CAPN5: variants seen among roughly 807,000 people sequenced by gnomAD.
CAPN5 encodes the protein calpain-5.
A neutral mutation model predicts 73.0 loss-of-function variants in CAPN5; 54 were observed. The ratio of observed to expected loss-of-function variants is 0.74; its 90% CI spans 0.59 to 0.93. The LOEUF (loss-of-function observed/expected upper bound fraction) is 0.93. Among genes scored for constraint, CAPN5 ranks in the 40% least tolerant of loss-of-function variants. The pLI is 0.00. For synonymous variants in CAPN5, 335 were observed against 356.9 expected (o/e 0.94, Z 0.69); for missense variants, 785 against 882.9 (o/e 0.89, Z 1.41).
chr11:77,117,201 A>G (rs781882691), intron 7 of CAPN5, among the ~76,000 whole-genome samples: 6 of 152,118 alleles, frequency 3.9e-5, no homozygotes, highest in Admixed American at 1.3e-4. Context: ...GCACCACTGC[A>G]CTCCATCCTG....
rs1950532072 is a variant in CAPN5, at chr11:77,122,558, C to T, written c.1604-18C>T. On this transcript the variant is annotated intron_variant, in intron 11 of 12. Coordinates refer to ENST00000648180, the MANE Select transcript of CAPN5 (RefSeq NM_004055.5). ...CCCCACCCCCACCCTCACCCCATCT[C>T]CCACTCCCTCTCCCTAGGGGCTAAC... 1 of 1,497,368 alleles carries T rather than the reference C, an allele frequency of 6.7e-7. No homozygotes were observed. Among genetic ancestry groups the T allele is most frequent in the Non-Finnish European group, 9.2e-7 (1 of 1,086,174 alleles). The allele number at this position is 1,497,368 out of a possible 1,614,324, so 92.8% of individuals were successfully genotyped here.
At chr11:77,089,257 C>A (rs1275934353) in intron 2 of CAPN5, among the ~76,000 whole-genome samples, 2 of 152,234 alleles carry the variant, frequency 1.3e-5, no homozygotes, top group East Asian at 3.8e-4. Context: ...CAGGACACTT[C>A]GGGTCCCCAT....
chr11:77,082,708 T>C (rs1300077962), intron 1 of CAPN5, among the ~76,000 whole-genome samples: 3 of 152,280 alleles, frequency 2.0e-5, no homozygotes, highest in South Asian at 2.1e-4. Context: ...TCTCCCTTTA[T>C]GGCCTCCACC....
At chr11:77,100,605 T>C (rs1296141767) in intron 3 of CAPN5, among the ~76,000 whole-genome samples, 1 of 152,158 alleles carries the variant, frequency 6.6e-6, no homozygotes, top group Non-Finnish European at 1.5e-5. Flanking sequence ...GGGATCCTCC[T>C]TCCCAGTGCT....
At chr11:77,087,433 C>G (rs1950100052) in intron 2 of CAPN5, among the ~76,000 whole-genome samples, 1 of 152,196 alleles carries the variant, frequency 6.6e-6, no homozygotes, top group Admixed American at 6.5e-5. Context: ...GCATGCCCGT[C>G]CATCCCCTCC....
At chr11:77,120,513 C>A (rs1950510927) in intron 9 of CAPN5, 200 bp from the exon 10 acceptor site, 1 of 488,482 alleles carries the variant, frequency 2.0e-6, no homozygotes. Flanking sequence ...CTTTAACCAC[C>A]ACCACCCATT....
chr11:77,120,979 C>T, intron 10 of CAPN5, 70 bp downstream of exon 10: 4 of 1,449,672 alleles, frequency 2.8e-6, no homozygotes, highest in Non-Finnish European at 3.8e-6. Flanking sequence ...CAGGAACCTG[C>T]AGCCTCAGAG....
Position 77,123,951 on chromosome 11 carries a change from A to G in CAPN5, c.*81A>G. On this transcript the variant is annotated 3_prime_UTR_variant, in exon 13 of 13. Coordinates refer to ENST00000648180, the MANE Select transcript of CAPN5 (RefSeq NM_004055.5). ...TGGGCCTGAGTCTAGCCTGGGAGCCAGGATACTGGGGTCCTTTTCCCACTC... is the reference window on the plus strand; with the variant it reads ...TGGGCCTGAGTCTAGCCTGGGAGCCGGGATACTGGGGTCCTTTTCCCACTC... 7.3e-7 allele frequency: 1 copy of G among 1,376,750 alleles called. No individual in the cohort carries two copies. The highest frequency in any genetic ancestry group is 2.3e-5 in the East Asian group (1 of 43,088). The allele number at this position is 1,376,750 out of a possible 1,614,324, so 85.3% of individuals were successfully genotyped here. A position where few individuals can be genotyped will look rare whatever the true frequency, so the allele number is the denominator to read the frequency against.
rs71043542 is a variant in CAPN5 at position 77,067,632 on chromosome 11, C to CGTGTGTGTGTGTGTGTGTGT, written c.-36+557_-36+576dup. On this transcript the variant is annotated intron_variant, in intron 1 of 12. Coordinates refer to ENST00000648180, the MANE Select transcript of CAPN5 (RefSeq NM_004055.5). The stretch of plus-strand genomic sequence containing the variant: ...TCTCCTTGACTGCAGGGCGGGCGCA[C>CGTGTGTGTGTGTGTGTGTGT]GTGTGTGTGTGTGTGTGTGTGTGTG... 6.0e-3 allele frequency among the ~76,000 whole-genome samples: 765 copies of CGTGTGTGTGTGTGTGTGTGT among 126,708 alleles called. 7 individuals are homozygous for CGTGTGTGTGTGTGTGTGTGT. The highest frequency in any genetic ancestry group is 0.017 in the African/African-American group (542 of 31,364). The allele number at this position is 126,708 out of a possible 152,430, so 83.1% of individuals were successfully genotyped here. A position where few individuals can be genotyped will look rare whatever the true frequency, so the allele number is the denominator to read the frequency against.
At chr11:77,108,806 C>T (rs1297114325) in intron 3 of CAPN5, among the ~76,000 whole-genome samples, 4 of 151,180 alleles carry the variant, frequency 2.6e-5, no homozygotes, top group Non-Finnish European at 2.9e-5. Context: ...AGTAATTGTT[C>T]TAATTTCTAA....
At chr11:77,103,363 C>T in intron 3 of CAPN5, 1 of 1,586,088 alleles carries the variant, frequency 6.3e-7, no homozygotes, top group Admixed American at 1.7e-5. Flanking sequence ...CTCCTCTAGC[C>T]CACCTGTGCT....
chr11:77,104,901 G>A (rs1176623355), intron 3 of CAPN5, among the ~76,000 whole-genome samples: 1 of 152,184 alleles, frequency 6.6e-6, no homozygotes, highest in Non-Finnish European at 1.5e-5. Flanking sequence ...GCAGCATGCT[G>A]GAGCTGAGAT....
rs1460542228 is a variant in CAPN5, at chr11:77,088,128, C to T, written c.165+3077C>T. 8.2e-6 allele frequency: 12 copies of T among 1,462,988 alleles called. No individual in the cohort carries two copies. In the African/African-American group the frequency reaches 1.3e-4, roughly 15 times the overall value. The allele number at this position is 1,462,988 out of a possible 1,614,324, so 90.6% of individuals were successfully genotyped here. A position where few individuals can be genotyped will look rare whatever the true frequency, so the allele number is the denominator to read the frequency against. ...ATCCAGCATGCTGTCTCTCCCACATCTGGGTATGAGCCTGGAGGTCCTTTG... is the reference window on the plus strand; with the variant it reads ...ATCCAGCATGCTGTCTCTCCCACATTTGGGTATGAGCCTGGAGGTCCTTTG... On this transcript the variant is annotated intron_variant, in intron 2 of 12. Transcript: ENST00000648180.
chr11:77,103,118 C>A, intron 3 of CAPN5: 2 of 1,613,918 alleles, frequency 1.2e-6, no homozygotes, highest in South Asian at 2.2e-5. Flanking sequence ...ACCTCACCAA[C>A]CTCATGACAC....
In CAPN5 at chr11:77,124,235, C is replaced by G; in HGVS notation, c.*365C>G. On this transcript the variant is annotated 3_prime_UTR_variant, in exon 13 of 13. Transcript: ENST00000648180. The stretch of plus-strand genomic sequence containing the variant: ...AACTGCCACATCCCCAAGCTCCGTT[C>G]TTGCCCCTCGTGTCCTAGGCCCAAC... The G allele has an allele frequency of 4.5e-6, 1 of 221,652 alleles. No homozygotes were observed. Among genetic ancestry groups the G allele is most frequent in the Non-Finnish European group, 9.0e-6 (1 of 111,580 alleles). The allele number at this position is 221,652 out of a possible 1,614,324, so 13.7% of individuals were successfully genotyped here.
Position 77,084,985 on chromosome 11 carries a change from C to A in CAPN5, c.99C>A (p.Pro33=). 6.2e-7 allele frequency: 1 copy of A among 1,613,894 alleles called. No homozygotes were observed. ...TGCTCTTCGAGGACCCCCTCTTCCC[C>A]GCCACTGACGACTCACTCTACTATA... ...RKVLFEDPLF[P]ATDDSLYYKG... The change falls in exon 2 of 13, where the codon CCC becomes CCA. Residue 33 remains proline, a synonymous_variant. Transcript: ENST00000648180.
At chr11:77,122,280 G>A (rs1591151544) in intron 11 of CAPN5, among the ~76,000 whole-genome samples, 1 of 152,228 alleles carries the variant, frequency 6.6e-6, no homozygotes, top group East Asian at 1.9e-4. Flanking sequence ...CCTGGAGGGA[G>A]TGGCCTTTTT....
chr11:77,121,652 A>T (rs1173722991), intron 10 of CAPN5, among the ~76,000 whole-genome samples: 8 of 152,162 alleles, frequency 5.3e-5, no homozygotes, highest in African/African-American at 9.6e-5. Context: ...AGGGATTAGG[A>T]ATCACCCATA....
At chr11:77,093,944 G>T (rs919272923) in intron 3 of CAPN5, 131 bp downstream of exon 3, 1 of 1,330,614 alleles carries the variant, frequency 7.5e-7, no homozygotes, top group South Asian at 1.4e-5. Flanking sequence ...ATGGGGTGGG[G>T]GCCCCCAGTA....
Sources: gnomAD v4.1 joint callset for allele counts (sites outside exome capture counted in the v4.1 genomes callset) on GRCh38, gnomAD v4.1.1 for gene constraint, MANE v1.5 for transcripts, NCBI Gene and HGNC (gene_info 2026-07-23, HGNC 2026-07-21) for gene names.